Variants in PEPD observed in about 807,000 individuals in gnomAD.
PEPD encodes the protein peptidase D.
In PEPD, 53 loss-of-function variants were observed where a neutral mutation model predicts 60.7. The observed-to-expected ratio is 0.87, with a 90% CI of 0.70 to 1.10. The LOEUF is 1.10. Among genes scored for constraint, PEPD ranks in the 50% least tolerant of loss-of-function variants. The pLI is 0.00. For missense variants in PEPD, 711 were observed against 711.9 expected, an observed-to-expected ratio of 1.00 and a Z score of 0.01; for synonymous variants, 267 against 284.1, an observed-to-expected ratio of 0.94 and a Z score of 0.60.
chr19:33,475,416 C>T (rs1252534343), intron 7 of PEPD, among the ~76,000 whole-genome samples: 1 of 146,066 alleles, frequency 6.8e-6, no homozygotes, highest in Non-Finnish European at 1.5e-5. Context: ...CTACAGTGGA[C>T]CCACCGAGAG....
chr19:33,391,237 G>A, intron 13 of PEPD, 58 bp downstream of exon 13: 1 of 1,409,434 alleles, frequency 7.1e-7, no homozygotes, highest in East Asian at 2.3e-5. Flanking sequence ...CTGCCCTGGG[G>A]GTCAGGCTCA....
intron 12 of PEPD, among the ~76,000 whole-genome samples, chr19:33,393,421 TTC>T (rs1968279054): frequency 6.6e-6 from 1 of 150,976 alleles, no homozygotes; most frequent in Admixed American, 6.6e-5. Context: ...CCCCTGGCTT[TTC>T]TGAGGGGCAC....
intron 7 of PEPD, among the ~76,000 whole-genome samples, chr19:33,471,429 CAGG>C (rs1459134147): frequency 6.6e-6 from 1 of 152,200 alleles, no homozygotes; most frequent in African/African-American, 2.4e-5. Context: ...TCCCTGTCTT[CAGG>C]AGGAATGCAC....
intron 9 of PEPD, among the ~76,000 whole-genome samples, chr19:33,435,196 G>A (rs1969351489): frequency 6.6e-6 from 1 of 152,166 alleles, no homozygotes; most frequent in South Asian, 2.1e-4. Flanking sequence ...CCACCAGGAT[G>A]GGATCCTTTG....
Position 33,450,148 on chromosome 19 carries a change from C to A in PEPD, c.671+12847G>T, listed in dbSNP as rs181991087. ...TTTATCAGTCTAGGTCAGAACACAC[C>A]CGATGTGAACTTTATGGCCTGAGTT... On this transcript the variant is annotated intron_variant, in intron 9 of 14. Coordinates refer to ENST00000244137, the MANE Select transcript of PEPD (RefSeq NM_000285.4). 3.6e-4 allele frequency among the ~76,000 whole-genome samples: 55 copies of A among 152,324 alleles called. No homozygotes were observed. The East Asian group carries it at 8.5e-3, about 24-fold the overall frequency.
intron 13 of PEPD, chr19:33,388,303 AC>A (rs199620076): frequency 0.017 from 11,324 of 679,026 alleles, 144 homozygotes; most frequent in Non-Finnish European, 0.025. Context: ...TGGCCACACT[AC>A]CCTAGGGCTT....
At chr19:33,462,963 T>G in intron 9 of PEPD, 32 bp downstream of exon 9, 1 of 1,473,828 alleles carries the variant, frequency 6.8e-7, no homozygotes, top group Non-Finnish European at 9.5e-7. Flanking sequence ...TTTTTACCTT[T>G]TAATTTTACC....
At chr19:33,473,741 GAAGT>G (rs1358562270) in intron 7 of PEPD, among the ~76,000 whole-genome samples, 5 of 152,186 alleles carry the variant, frequency 3.3e-5, no homozygotes, top group African/African-American at 9.6e-5. Flanking sequence ...CTAAATTATG[GAAGT>G]AAGATGCCTG....
chr19:33,387,923 G>C lies in PEPD; in HGVS notation c.1311C>G (p.Arg437=). 1 of 1,591,482 alleles carries C rather than the reference G, an allele frequency of 6.3e-7. No homozygotes were observed. The highest frequency in any genetic ancestry group is 1.8e-5 in the Admixed American group (1 of 56,674). The change falls in exon 14 of 15, where the codon CGC becomes CGG. Residue 437 remains arginine, a synonymous_variant. Coordinates refer to ENST00000244137, the MANE Select transcript of PEPD (RefSeq NM_000285.4). ...ADPARASFLN[R]EVLQRFRGFG... ...AACCGCGAAAGCGCTGCAGGACCTC[G>C]CGGTTAAGGAAGGAGGCGCGGGCCG...
At chr19:33,458,440 G>T (rs1271997521) in intron 9 of PEPD, among the ~76,000 whole-genome samples, 1 of 150,200 alleles carries the variant, frequency 6.7e-6, no homozygotes, top group African/African-American at 2.5e-5. Context: ...TGCAGTATGT[G>T]GTATATGTGT....
chr19:33,396,549 A>G (rs892193635), intron 12 of PEPD, among the ~76,000 whole-genome samples: 42 of 152,322 alleles, frequency 2.8e-4, no homozygotes, highest in African/African-American at 1.0e-3. Flanking sequence ...GGGCAGGGAC[A>G]GAGCCAGGAG....
At chr19:33,420,574 T>C (rs1295663548) in intron 9 of PEPD, among the ~76,000 whole-genome samples, 1 of 151,954 alleles carries the variant, frequency 6.6e-6, no homozygotes, top group Non-Finnish European at 1.5e-5. Flanking sequence ...TGGTGGCAGG[T>C]GCCTGTAATC....
chr19:33,424,467 C>T (rs187695354), intron 9 of PEPD, among the ~76,000 whole-genome samples: 191 of 152,340 alleles, frequency 1.3e-3, no homozygotes, highest in Non-Finnish European at 1.9e-3. Context: ...CACACCTGTT[C>T]GCGTCTGACC....
In PEPD at chr19:33,413,650, G is replaced by A. The variant is rs1344762525; in HGVS notation, c.672-7C>T. The A allele has an allele frequency of 1.9e-6, 3 of 1,567,320 alleles. No individual in the cohort carries two copies. Among genetic ancestry groups the A allele is most frequent in the Non-Finnish European group, 2.6e-6 (3 of 1,151,330 alleles). On this transcript the variant is annotated splice_polypyrimidine_tract_variant and splice_region_variant and intron_variant, in intron 9 of 14. Coordinates refer to ENST00000244137, the MANE Select transcript of PEPD (RefSeq NM_000285.4). ...GCAGTAGTGCTCGAAGAGGCTGCAGGGGGAGAGACGCGTCAGGGTTGGGGC... is the reference window on the plus strand; with the variant it reads ...GCAGTAGTGCTCGAAGAGGCTGCAGAGGGAGAGACGCGTCAGGGTTGGGGC...
At chr19:33,485,448 G>A (rs535282637) in intron 6 of PEPD, among the ~76,000 whole-genome samples, 24 of 146,372 alleles carry the variant, frequency 1.6e-4, no homozygotes, top group African/African-American at 5.1e-4. Context: ...AGCTGAGATC[G>A]TGCCACTGCA....
chr19:33,473,854 A>C (rs1010422598), intron 7 of PEPD, among the ~76,000 whole-genome samples: 4 of 152,232 alleles, frequency 2.6e-5, no homozygotes, highest in African/African-American at 9.6e-5. Context: ...TGTGGGGAAG[A>C]GTATGATTAT....
intron 4 of PEPD, 107 bp downstream of exon 4, chr19:33,500,831 G>GTCC: frequency 1.3e-6 from 1 of 781,116 alleles, no homozygotes; most frequent in Non-Finnish European, 2.3e-6. Flanking sequence ...CCAGGTGGTA[G>GTCC]TGTCCCTGAC....
chr19:33,443,226 G>A (rs539552499), intron 9 of PEPD, among the ~76,000 whole-genome samples: 27 of 152,218 alleles, frequency 1.8e-4, no homozygotes, highest in African/African-American at 6.0e-4. Flanking sequence ...AAGATCTATC[G>A]ATTCTGTCAT....
At position 33,392,976 on chromosome 19, in the gene PEPD, T is replaced by C. The variant is rs551775978; in HGVS notation, c.968-1497A>G. On this transcript the variant is annotated intron_variant, in intron 12 of 14. Transcript: ENST00000244137. ...CAGGCGGGCTGGGGGTGCACGGCTT[T>C]GGGCAGGCAGTATGGCTGTTGCCCG... Among the ~76,000 whole-genome samples, 316 of 152,246 alleles carry C rather than the reference T, an allele frequency of 2.1e-3. 2 individuals carry two copies. Among genetic ancestry groups the C allele is most frequent in the African/African-American group, 7.1e-3 (293 of 41,530 alleles).
Sources: allele counts gnomAD v4.1 joint callset (sites outside exome capture counted in the v4.1 genomes callset), GRCh38; gene constraint gnomAD v4.1.1; transcripts MANE v1.5; gene names NCBI Gene and HGNC (gene_info 2026-07-23, HGNC 2026-07-21).